Variants in OSBPL2 observed in about 807,000 individuals in gnomAD.
The protein encoded by OSBPL2 is oxysterol-binding protein-related protein 2.
OSBPL2 carries 18 observed loss-of-function variants against 58.4 expected under a neutral mutation model. The observed-to-expected ratio is 0.31, with a 90% CI of 0.21 to 0.46. OSBPL2 has a LOEUF of 0.46. Ranked by LOEUF, OSBPL2 falls within the 20% of genes least tolerant of loss-of-function variation. The pLI, the probability that OSBPL2 is intolerant of heterozygous loss-of-function variation, is 1.00. For synonymous variants in OSBPL2, 221 were observed against 234.1 expected (o/e 0.94, Z 0.51); for missense variants, 461 against 616.5 (o/e 0.75, Z 2.67).
chr20:62,240,302 G>A (rs1165431613), intron 1 of OSBPL2, among the ~76,000 whole-genome samples: 1 of 152,160 alleles, frequency 6.6e-6, no homozygotes, highest in Non-Finnish European at 1.5e-5. Flanking sequence ...TTAGAATGTG[G>A]CAATGAGTGA....
chr20:62,242,367 A>G (rs927586733), intron 1 of OSBPL2: 1 of 152,334 alleles, frequency 6.6e-6, no homozygotes, highest in African/African-American at 2.4e-5. Context: ...CACAGCATCC[A>G]CATTCTTTCC....
intron 12 of OSBPL2, among the ~76,000 whole-genome samples, chr20:62,289,688 A>G (rs6062194): frequency 0.97 from 147,577 of 152,304 alleles, 71,524 homozygotes; most frequent in East Asian, 1. Flanking sequence ...TGGATCACCC[A>G]AGGTCAGGAG....
At chr20:62,247,029 C>G (rs963016956) in intron 1 of OSBPL2, among the ~76,000 whole-genome samples, 1 of 152,188 alleles carries the variant, frequency 6.6e-6, no homozygotes, top group South Asian at 2.1e-4. Flanking sequence ...GCCGACTGCT[C>G]TGGGGAAGGA....
At chr20:62,245,753 C>T (rs746151074) in intron 1 of OSBPL2, among the ~76,000 whole-genome samples, 2 of 152,214 alleles carry the variant, frequency 1.3e-5, no homozygotes, top group Non-Finnish European at 2.9e-5. Flanking sequence ...CAGATGGTGA[C>T]GAGGACAGAC....
chr20:62,247,450 G>A (rs955047845), intron 1 of OSBPL2, among the ~76,000 whole-genome samples: 3 of 152,188 alleles, frequency 2.0e-5, no homozygotes, highest in Admixed American at 6.5e-5. Flanking sequence ...GAAGCTCAGC[G>A]GGACCGCGGG....
At chr20:62,240,247 G>A (rs1218974723) in intron 1 of OSBPL2, among the ~76,000 whole-genome samples, 2 of 152,154 alleles carry the variant, frequency 1.3e-5, no homozygotes, top group Non-Finnish European at 2.9e-5. Context: ...TTTGTCGGTG[G>A]CACTTCCTCC....
At chr20:62,282,021 A>G in intron 9 of OSBPL2, 142 bp downstream of exon 9, 1 of 488,254 alleles carries the variant, frequency 2.0e-6, no homozygotes, top group East Asian at 3.1e-5. Flanking sequence ...GTCCAGAAGT[A>G]TGACTCTTTT....
chr20:62,283,860 C>T (rs535587347), intron 9 of OSBPL2, among the ~76,000 whole-genome samples, 186 bp from the exon 10 acceptor site: 24 of 152,142 alleles, frequency 1.6e-4, no homozygotes, highest in South Asian at 4.2e-4. Flanking sequence ...TTTTCCTTTC[C>T]GTGGTGTGTA....
Position 62,284,081 on chromosome 20 carries a change from C to G in OSBPL2, c.908C>G (p.Thr303Arg), listed in dbSNP as rs769492031. 1 of 1,613,726 alleles carries G rather than the reference C, an allele frequency of 6.2e-7. No individual in the cohort carries two copies. Among genetic ancestry groups the G allele is most frequent in the Non-Finnish European group, 8.5e-7 (1 of 1,179,816 alleles). ...KKLFMIYGKW[T>R]ECLWGIDPVS... ...CTCTTTATGATCTATGGCAAATGGA[C>G]GGAATGTTTGTGGGGCATAGATCCT... The change falls in exon 10 of 14, where the codon ACG becomes AGG. Residue 303 changes from threonine to arginine, a missense_variant. By Grantham distance (71) the Thr-to-Arg change is moderately conservative. Transcript: ENST00000313733.
At position 62,281,753 on chromosome 20, in the gene OSBPL2, G is replaced by C. The variant is rs759936376; in HGVS notation, c.783-37G>C. On this transcript the variant is annotated intron_variant, in intron 8 of 13. Coordinates refer to ENST00000313733, the MANE Select transcript of OSBPL2 (RefSeq NM_144498.4). ...GAGTTACCCTTTCCGGCTGTTTGCT[G>C]TCTTGCAGCAGAAACCTGTGTTTGT... The C allele has an allele frequency of 5.3e-6, 8 of 1,500,792 alleles. No homozygotes were observed. In the East Asian group the frequency reaches 1.8e-4, roughly 34 times the overall value. 93.0% of individuals were successfully genotyped at this position (1,500,792 alleles called of 1,614,324 possible).
chr20:62,258,185 A>G (rs923113129), intron 2 of OSBPL2, among the ~76,000 whole-genome samples: 8 of 152,206 alleles, frequency 5.3e-5, no homozygotes, highest in Non-Finnish European at 1.2e-4. Flanking sequence ...ATGAGGTGGA[A>G]GGGACAGACA....
In OSBPL2 at chr20:62,288,898, G is replaced by A. The variant is rs145048925; in HGVS notation, c.1126-309G>A. 0.016 allele frequency among the ~76,000 whole-genome samples: 2,375 copies of A among 152,264 alleles called. 29 individuals are homozygous for A. The highest frequency in any genetic ancestry group is 0.023 in the Non-Finnish European group (1,564 of 68,012). Reference sequence around the variant, plus strand: ...GGTTTAGCAGTGGGAGACAGGTGGCGTGGCTGGAGTGTTTCCAGCAAGCTG... The same window carrying A: ...GGTTTAGCAGTGGGAGACAGGTGGCATGGCTGGAGTGTTTCCAGCAAGCTG... On this transcript the variant is annotated intron_variant, in intron 11 of 13. Transcript: ENST00000313733. The surrounding 1 kb of genome is among the most constrained non-coding windows in gnomAD (Gnocchi z 4.8).
At chr20:62,248,894 T>C (rs2380128) in intron 1 of OSBPL2, among the ~76,000 whole-genome samples, 58,209 of 151,834 alleles carry the variant, frequency 0.38, 12,649 homozygotes, top group East Asian at 0.52. Flanking sequence ...AGACAGTATC[T>C]CACTGTGTTG....
At chr20:62,289,009 A>C (rs905791016) in intron 11 of OSBPL2, among the ~76,000 whole-genome samples, 198 bp from the exon 12 acceptor site, 1 of 152,220 alleles carries the variant, frequency 6.6e-6, no homozygotes, top group African/African-American at 2.4e-5. Context: ...CAAACGTTAC[A>C]GCCGCAGTGC....
At position 62,289,187 on chromosome 20, in the gene OSBPL2, C is replaced by T; in HGVS notation, c.1126-20C>T. On this transcript the variant is annotated intron_variant, in intron 11 of 13. Coordinates refer to ENST00000313733, the MANE Select transcript of OSBPL2 (RefSeq NM_144498.4). ...TTCAGAGGCCCTGCTGAGGTCGTGT[C>T]TCTGTGCCTTGCTCCACAGATGTAT... is the stretch of plus-strand genomic sequence containing the variant. 1 of 1,613,082 alleles carries T rather than the reference C, an allele frequency of 6.2e-7. No homozygotes were observed. Among genetic ancestry groups the T allele is most frequent in the South Asian group, 1.1e-5 (1 of 90,760 alleles).
chr20:62,261,224 G>A (rs949348657), intron 3 of OSBPL2, among the ~76,000 whole-genome samples: 1 of 151,688 alleles, frequency 6.6e-6, no homozygotes, highest in Admixed American at 6.6e-5. Flanking sequence ...GCTGAGGCAG[G>A]GGAATCACTT....
Position 62,256,200 on chromosome 20 carries a change from G to A in OSBPL2, c.16G>A (p.Glu6Lys), listed in dbSNP as rs1214101337. 6.2e-7 allele frequency: 1 copy of A among 1,613,932 alleles called. No individual in the cohort carries two copies. The highest frequency in any genetic ancestry group is 1.7e-5 in the Admixed American group (1 of 59,994). ...CTGCTGAAGGATGAACGGAGAGGAA[G>A]AATTCTTTGATGCCGTCACAGGTGA... MNGEEEFFDAVTGFDS... is the reference protein window; with the variant it reads MNGEEKFFDAVTGFDS... Residue 6 changes from glutamate (E) to lysine (K), a missense_variant, in exon 2 of 14, where the codon GAA (glutamate) becomes AAA (lysine). This residue lies in a region of OSBPL2 where 80 missense variants were observed against 74.8 expected (regional missense o/e 1.07). Transcript: ENST00000313733.
intron 9 of OSBPL2, 53 bp from the exon 10 acceptor site, chr20:62,283,993 C>G: frequency 6.4e-7 from 1 of 1,563,068 alleles, no homozygotes; most frequent in Non-Finnish European, 8.7e-7. Context: ...CATGTTTAGA[C>G]AAATGGTTTG....
intron 12 of OSBPL2, 42 bp downstream of exon 12, chr20:62,289,372 C>T (rs367640696): frequency 3.6e-4 from 570 of 1,600,726 alleles, no homozygotes; most frequent in Non-Finnish European, 4.3e-4. Flanking sequence ...GGGCCAAGGA[C>T]GCCCTGGCTA....
Sources: allele counts gnomAD v4.1 joint callset (sites outside exome capture counted in the v4.1 genomes callset), GRCh38; gene constraint gnomAD v4.1.1; regional missense constraint gnomAD v4.1.1; non-coding constraint Gnocchi (gnomAD v3.1); transcripts MANE v1.5; gene names NCBI Gene and HGNC (gene_info 2026-07-23, HGNC 2026-07-21).